DLGAP2: variants seen among roughly 807,000 people sequenced by gnomAD.
The protein encoded by DLGAP2 is DLG associated protein 2, also known as disks large-associated protein 2.
A neutral mutation model predicts 100.3 loss-of-function variants in DLGAP2; 26 were observed. The observed-to-expected ratio is 0.26, with a 90% confidence interval of 0.19 to 0.36. The LOEUF is 0.36. Ranked by LOEUF, DLGAP2 falls within the 10% of genes least tolerant of loss-of-function variation. DLGAP2 has a pLI of 1.00. For missense variants in DLGAP2, 1,858 were observed against 1,453.2 expected (o/e 1.28, Z -4.53); for synonymous variants, 886 against 630.1 (o/e 1.41, Z -6.08).
chr8:1,415,068 A>C (rs1156945403), intron 3 of DLGAP2, among the ~76,000 whole-genome samples: 1 of 152,220 alleles, frequency 6.6e-6, no homozygotes, highest in Non-Finnish European at 1.5e-5. Context: ...ATACTTGTCC[A>C]GCCTTTGGCT....
chr8:1,120,969 C>A (rs1796028858), intron 2 of DLGAP2, among the ~76,000 whole-genome samples: 1 of 151,864 alleles, frequency 6.6e-6, no homozygotes, highest in Non-Finnish European at 1.5e-5. Context: ...CCTGACCACC[C>A]ATCCTCGTCC....
intron 1 of DLGAP2, among the ~76,000 whole-genome samples, chr8:825,218 C>T (rs1355489679): frequency 2.0e-5 from 3 of 152,200 alleles, no homozygotes; most frequent in African/African-American, 7.2e-5. Flanking sequence ...ATGCCCTGGA[C>T]GCCTGAGAAC....
At chr8:1,057,794 T>C (rs1215651366) in intron 2 of DLGAP2, among the ~76,000 whole-genome samples, 3 of 152,180 alleles carry the variant, frequency 2.0e-5, no homozygotes, top group East Asian at 3.9e-4. Context: ...AAAAGGGAGA[T>C]AATCTTTAGT....
chr8:1,103,044 C>G (rs1804638116), intron 2 of DLGAP2, among the ~76,000 whole-genome samples: 1 of 151,482 alleles, frequency 6.6e-6, no homozygotes, highest in Non-Finnish European at 1.5e-5. Flanking sequence ...CCCTATGAGT[C>G]TCTGGAGTCT....
intron 1 of DLGAP2, among the ~76,000 whole-genome samples, chr8:853,849 G>C (rs1432549849): frequency 6.6e-6 from 1 of 152,126 alleles, no homozygotes; most frequent in Non-Finnish European, 1.5e-5. Flanking sequence ...CTGAAGGTTT[G>C]TCCCCCAGAT....
chr8:1,222,970 C>T (rs542403459), intron 2 of DLGAP2, among the ~76,000 whole-genome samples: 33 of 152,240 alleles, frequency 2.2e-4, no homozygotes, highest in Admixed American at 1.2e-3. Context: ...CCTTGGGGGA[C>T]GGGTGCCCAT....
rs1798527166 is a variant in DLGAP2, at chr8:913,332, AG to A, written c.73+5368del. On this transcript the variant is annotated intron_variant, in intron 2 of 14. Transcript: ENST00000637795. ...ATCCCCTAGATTTCTTGGGAGCTAAAGGTTTTAAAGAGCTTTTAATTTCATG... is the reference window on the plus strand; with the variant it reads ...ATCCCCTAGATTTCTTGGGAGCTAAAGTTTTAAAGAGCTTTTAATTTCATG... 3.3e-5 allele frequency among the ~76,000 whole-genome samples: 5 copies of A among 152,308 alleles called. No homozygotes were observed. The South Asian group carries it at 1.0e-3, about 32-fold the overall frequency.
chr8:1,069,723 C>T (rs867066731), intron 2 of DLGAP2, among the ~76,000 whole-genome samples: 14 of 152,142 alleles, frequency 9.2e-5, no homozygotes, highest in African/African-American at 2.2e-4. Flanking sequence ...TATTTGTGCT[C>T]GCCAAATGCT....
chr8:778,996 C>T (rs898497535), intron 1 of DLGAP2, among the ~76,000 whole-genome samples: 3 of 152,254 alleles, frequency 2.0e-5, no homozygotes, highest in South Asian at 2.1e-4. Context: ...CAGCGAGACT[C>T]CGTGGGGTAG....
At chr8:1,426,906 A>G (rs967345580) in intron 3 of DLGAP2, among the ~76,000 whole-genome samples, 2 of 152,194 alleles carry the variant, frequency 1.3e-5, no homozygotes, top group Non-Finnish European at 2.9e-5. Context: ...GGAAAAAAAT[A>G]ACAACAGAAG....
intron 1 of DLGAP2, among the ~76,000 whole-genome samples, chr8:896,967 G>A (rs1051651981): frequency 2.0e-5 from 3 of 152,110 alleles, no homozygotes; most frequent in East Asian, 1.9e-4. Context: ...GGGTGAAGTC[G>A]CCCCAAGTTT....
At chr8:937,914 G>A (rs1799108208) in intron 2 of DLGAP2, among the ~76,000 whole-genome samples, 1 of 152,152 alleles carries the variant, frequency 6.6e-6, no homozygotes, top group African/African-American at 2.4e-5. Flanking sequence ...GGGGTAGGGG[G>A]ACAGGAGGTG....
chr8:1,588,494 C>G (rs1239393908), intron 6 of DLGAP2, among the ~76,000 whole-genome samples: 1 of 152,030 alleles, frequency 6.6e-6, no homozygotes, highest in Non-Finnish European at 1.5e-5. Flanking sequence ...GCGTATGATG[C>G]CTAATTTATG....
At chr8:1,665,873 G>A (rs1294332895) in intron 8 of DLGAP2, among the ~76,000 whole-genome samples, 1 of 152,240 alleles carries the variant, frequency 6.6e-6, no homozygotes, top group African/African-American at 2.4e-5. Flanking sequence ...GCTGTCACGT[G>A]GAAACCCCTT....
intron 1 of DLGAP2, among the ~76,000 whole-genome samples, chr8:762,104 G>A (rs1300657542): frequency 6.6e-6 from 1 of 152,180 alleles, no homozygotes; most frequent in Non-Finnish European, 1.5e-5. Flanking sequence ...CAGAACTCCT[G>A]TGTGTCTCTT....
chr8:1,000,548 G>A (rs996986341), intron 2 of DLGAP2, among the ~76,000 whole-genome samples: 4 of 152,194 alleles, frequency 2.6e-5, no homozygotes, highest in African/African-American at 7.2e-5. Context: ...TCTGGGTGGG[G>A]TGGTTTTCTT....
intron 3 of DLGAP2, among the ~76,000 whole-genome samples, chr8:1,370,403 G>C (rs765559708): frequency 6.6e-6 from 1 of 152,148 alleles, no homozygotes; most frequent in Non-Finnish European, 1.5e-5. Flanking sequence ...ACTTCTCACT[G>C]TTTATCTTAC....
At chr8:823,767 G>A (rs922469156) in intron 1 of DLGAP2, among the ~76,000 whole-genome samples, 3 of 152,142 alleles carry the variant, frequency 2.0e-5, no homozygotes, top group African/African-American at 4.8e-5. Flanking sequence ...TTCGCAGCAC[G>A]GGGAGCTGTC....
chr8:1,312,735 G>A (rs1465713487), intron 3 of DLGAP2, among the ~76,000 whole-genome samples: 1 of 152,204 alleles, frequency 6.6e-6, no homozygotes, highest in African/African-American at 2.4e-5. Context: ...TTTTGACTCA[G>A]TTAATTAACT....
Sources: allele counts gnomAD v4.1 joint callset (sites outside exome capture counted in the v4.1 genomes callset), GRCh38; gene constraint gnomAD v4.1.1; transcripts MANE v1.5; gene names NCBI Gene and HGNC (gene_info 2026-07-23, HGNC 2026-07-21).